ATG7: variants seen among roughly 807,000 people sequenced by gnomAD.
The protein encoded by ATG7 is autophagy related 7.
ATG7 carries 70 observed loss-of-function variants against 82.4 expected under a neutral mutation model. The ratio of observed to expected loss-of-function variants is 0.85; its 90% CI spans 0.70 to 1.04. The LOEUF is 1.04. Ranked by LOEUF, ATG7 falls within the 50% of genes least tolerant of loss-of-function variation. The pLI is 0.00. For missense variants in ATG7, 792 were observed against 864.3 expected, an observed-to-expected ratio of 0.92 and a Z score of 1.05; for synonymous variants, 287 against 313.0, an observed-to-expected ratio of 0.92 and a Z score of 0.88.
At chr3:11,441,491 C>T (rs1045590648) in intron 20 of ATG7, among the ~76,000 whole-genome samples, 1 of 152,020 alleles carries the variant, frequency 6.6e-6, no homozygotes, top group Non-Finnish European at 1.5e-5. Context: ...ATCCACCCAC[C>T]TCGGCCTCCG....
chr3:11,345,667 G>A (rs1402924071), intron 13 of ATG7, among the ~76,000 whole-genome samples: 1 of 151,910 alleles, frequency 6.6e-6, no homozygotes, highest in African/African-American at 2.4e-5. Context: ...TGCTAGAGAG[G>A]CTTGTCTATC....
chr3:11,275,945 C>T (rs1047201333), intron 1 of ATG7, among the ~76,000 whole-genome samples: 2 of 152,162 alleles, frequency 1.3e-5, no homozygotes, highest in Non-Finnish European at 2.9e-5. Flanking sequence ...ATCCTCTTTC[C>T]TTGAGGACTC....
At position 11,340,728 on chromosome 3, in the gene ATG7, C is replaced by T; in HGVS notation, c.973C>T (p.Pro325Ser). 1 of 1,612,942 alleles carries T rather than the reference C, an allele frequency of 6.2e-7. No homozygotes were observed. The highest frequency in any genetic ancestry group is 8.5e-7 in the Non-Finnish European group (1 of 1,179,388). ...RMVNLSECMD[P>S]KRLAESSVDL... is the part of the protein sequence containing the mutation. ...GGTGAACCTCAGTGAATGTATGGAC[C>T]CTAAAAGGTATATTTGGGAAGCTGT... Residue 325 changes from proline to serine, a missense_variant, in exon 12 of 21, where the codon CCT (proline) becomes TCT (serine). Coordinates refer to ENST00000693202, the MANE Select transcript of ATG7 (RefSeq NM_001349232.2).
intron 20 of ATG7, among the ~76,000 whole-genome samples, chr3:11,459,297 A>G (rs2086077282): frequency 6.6e-6 from 1 of 152,154 alleles, no homozygotes; most frequent in Non-Finnish European, 1.5e-5. Context: ...TGGCTATGGT[A>G]TGTGTAATAC....
At chr3:11,503,777 A>T (rs991610046) in intron 20 of ATG7, among the ~76,000 whole-genome samples, 2 of 151,234 alleles carry the variant, frequency 1.3e-5, no homozygotes, top group African/African-American at 2.4e-5. Flanking sequence ...AAAAAAAAAA[A>T]ATCAAATGAT....
At chr3:11,570,377 A>G in the ATG7 span, among the ~76,000 whole-genome samples, 1 of 152,140 alleles carries the variant, frequency 6.6e-6, no homozygotes, top group South Asian at 2.1e-4. Context: ...GCCGGCCACC[A>G]AGGTCTGTCC....
intron 19 of ATG7, among the ~76,000 whole-genome samples, chr3:11,409,915 C>G (rs2080737495): frequency 6.6e-6 from 1 of 151,976 alleles, no homozygotes; most frequent in Non-Finnish European, 1.5e-5. Flanking sequence ...GCTTTCTATT[C>G]TGTTCTGTGA....
At chr3:11,305,768 C>T (rs201349662) in intron 5 of ATG7, among the ~76,000 whole-genome samples, 1 of 152,208 alleles carries the variant, frequency 6.6e-6, no homozygotes, top group Non-Finnish European at 1.5e-5. Context: ...GCCTGACAGA[C>T]GGCATTTGAC....
chr3:11,435,313 A>G (rs2083272579), intron 20 of ATG7, among the ~76,000 whole-genome samples: 1 of 152,168 alleles, frequency 6.6e-6, no homozygotes, highest in Non-Finnish European at 1.5e-5. Flanking sequence ...AAAATGGTGT[A>G]ATTCAGCCTA....
At chr3:11,370,744 A>G (rs1343109043) in intron 18 of ATG7, among the ~76,000 whole-genome samples, 1 of 151,206 alleles carries the variant, frequency 6.6e-6, no homozygotes, top group Non-Finnish European at 1.5e-5. Context: ...GAACCTTTCT[A>G]TTCTTGATCT....
intron 20 of ATG7, among the ~76,000 whole-genome samples, chr3:11,522,194 T>G (rs1282729497): frequency 6.6e-6 from 1 of 152,132 alleles, no homozygotes; most frequent in Non-Finnish European, 1.5e-5. Flanking sequence ...GCCTTCCAAG[T>G]GCATTCACCT....
chr3:11,424,972 T>C (rs1248095635), intron 19 of ATG7, among the ~76,000 whole-genome samples: 1 of 108,458 alleles, frequency 9.2e-6, no homozygotes, highest in Admixed American at 8.5e-5. Context: ...ATGCAAAATA[T>C]CCCTTTTTTT....
chr3:11,298,803 C>G lies in ATG7; in HGVS notation c.108C>G (p.Asn36Lys). 6.2e-7 allele frequency: 1 copy of G among 1,614,102 alleles called. No individual in the cohort carries two copies. The highest frequency in any genetic ancestry group is 1.1e-5 in the South Asian group (1 of 91,078). ...FWHELTQKKL[N>K]EYRLDEAPKD... ...ATGAGTTGACCCAGAAGAAGCTGAA[C>G]GAGTATCGGCTGGATGAAGCTCCCA... Residue 36 changes from asparagine to lysine, a missense_variant, in exon 4 of 21, where the codon AAC becomes AAG. Coordinates refer to ENST00000693202, the MANE Select transcript of ATG7 (RefSeq NM_001349232.2).
At chr3:11,380,795 A>T (rs1283622611) in intron 19 of ATG7, among the ~76,000 whole-genome samples, 1 of 152,194 alleles carries the variant, frequency 6.6e-6, no homozygotes, top group Non-Finnish European at 1.5e-5. Flanking sequence ...TATACAAAAT[A>T]ATGTTGGTGA....
intron 20 of ATG7, among the ~76,000 whole-genome samples, chr3:11,497,469 G>C (rs959266948): frequency 1.5e-5 from 2 of 135,386 alleles, no homozygotes; most frequent in African/African-American, 5.6e-5. Flanking sequence ...CTGGGAGGTG[G>C]AGTTTGCAGT....
chr3:11,525,132 G>GTTCACACCATT (rs1231254451), intron 20 of ATG7, among the ~76,000 whole-genome samples: 17 of 151,612 alleles, frequency 1.1e-4, no homozygotes, highest in African/African-American at 3.9e-4. Context: ...CACCTTCTGG[G>GTTCACACCATT]CTCAAGTGAT....
At chr3:11,469,849 G>A (rs1271315699) in intron 20 of ATG7, among the ~76,000 whole-genome samples, 2 of 151,944 alleles carry the variant, frequency 1.3e-5, no homozygotes, top group East Asian at 3.9e-4. Context: ...AAGTAGCCAG[G>A]CATGGTGGCA....
At chr3:11,574,307 C>T in the ATG7 span, among the ~76,000 whole-genome samples, 1 of 152,184 alleles carries the variant, frequency 6.6e-6, no homozygotes, top group Admixed American at 6.5e-5. Flanking sequence ...TTTAAAGCTT[C>T]CTCTGGACAT....
chr3:11,472,868 A>G (rs1434329285), intron 20 of ATG7, among the ~76,000 whole-genome samples: 1 of 152,010 alleles, frequency 6.6e-6, no homozygotes, highest in Non-Finnish European at 1.5e-5. Context: ...ATGAAATCTT[A>G]TTTTTCTTGA....
Sources: allele counts gnomAD v4.1 joint callset (sites outside exome capture counted in the v4.1 genomes callset), GRCh38; gene constraint gnomAD v4.1.1; transcripts MANE v1.5; gene names NCBI Gene and HGNC (gene_info 2026-07-23, HGNC 2026-07-21).